The following ZIM2 variants were observed in gnomAD, a reference collection of about 807,000 sequenced individuals.
ZIM2 encodes zinc finger protein 656.
ZIM2 carries 14 observed loss-of-function variants against 38.6 expected under a neutral mutation model. The observed-to-expected ratio is 0.36, with a 90% CI of 0.24 to 0.57. The LOEUF (loss-of-function observed/expected upper bound fraction) is 0.57. ZIM2 is among the 20% of genes least tolerant of loss of function. The pLI is 0.81. For missense variants in ZIM2, 680 were observed against 695.1 expected (o/e 0.98, Z 0.24); for synonymous variants, 247 against 245.8 (o/e 1.00, Z -0.04).
intron 2 of ZIM2, among the ~76,000 whole-genome samples, chr19:56,834,927 GT>G (rs1488762429): frequency 6.6e-6 from 1 of 152,174 alleles, no homozygotes; most frequent in African/African-American, 2.4e-5. Flanking sequence ...ATCAGGCCCA[GT>G]ATCAATGCTT....
Position 56,815,359 on chromosome 19 carries a change from T to C in ZIM2, c.490+2387A>G, listed in dbSNP as rs752085444. On this transcript the variant is annotated intron_variant, in intron 9 of 12. Transcript: ENST00000629319. ...GAAGTCCTTACATTTGTTCCGCGCT[T>C]GCTCTTTAGCATACTGCTCTTGGGC... 4.5e-5 allele frequency: 73 copies of C among 1,614,134 alleles called. 1 individual carries two copies. The highest frequency in any genetic ancestry group is 8.5e-7 in the Non-Finnish European group (1 of 1,180,048).
At chr19:56,815,143 T>G (rs1317905761) in intron 9 of ZIM2, 1 of 1,613,972 alleles carries the variant, frequency 6.2e-7, no homozygotes, top group Admixed American at 1.7e-5. Context: ...ATCAGGGTCA[T>G]CCTTCTGAGG....
Position 56,814,572 on chromosome 19 carries a change from A to T in ZIM2, c.490+3174T>A, listed in dbSNP as rs34731776. On this transcript the variant is annotated intron_variant, in intron 9 of 12. Transcript: ENST00000629319. This position sits in a 1 kb window ranked among gnomAD's most constrained non-coding sequence, Gnocchi z 5.8. The stretch of plus-strand genomic sequence containing the variant: ...CTGCAAGTTCTGCTGGGTTGACGAA[A>T]GATTCTCCACAGACTGCACATTCAA... 1.2e-3 allele frequency: 1,931 copies of T among 1,613,920 alleles called. 2 individuals are homozygous for T. Among genetic ancestry groups the T allele is most frequent in the Middle Eastern group, 3.8e-3 (23 of 6,058 alleles).
chr19:56,812,166 C>CA (rs2059586020), intron 9 of ZIM2: 2 of 974,514 alleles, frequency 2.1e-6, no homozygotes, highest in Non-Finnish European at 2.4e-6. Context: ...AACTCAAGGC[C>CA]AAAAAAAATT....
At chr19:56,822,533 A>T in intron 6 of ZIM2, 1 of 502,272 alleles carries the variant, frequency 2.0e-6, no homozygotes, top group Non-Finnish European at 3.5e-6. Flanking sequence ...AAGAATACTG[A>T]GCAAATAGTT....
At position 56,774,933 on chromosome 19, in the gene ZIM2, T is replaced by C. The variant is rs1199732653; in HGVS notation, c.1432A>G (p.Ser478Gly). ...ARVLPPGLSH[S>G]KTYLIRYQRK... ...TGATAACGAATTAAGTATGTCTTGC[T>C]GTGGGACAACCCAGGAGGAAGGACT... The change falls in exon 13 of 13, where the codon AGC becomes GGC. Residue 478 changes from serine (S) to glycine (G), a missense_variant. Coordinates refer to ENST00000629319, the MANE Select transcript of ZIM2 (RefSeq NM_001387356.1). 6.2e-7 allele frequency: 1 copy of C among 1,614,090 alleles called. No individual in the cohort carries two copies. Among genetic ancestry groups the C allele is most frequent in the Non-Finnish European group, 8.5e-7 (1 of 1,180,044 alleles).
At chr19:56,836,842 C>G (rs1386692874) in intron 1 of ZIM2, among the ~76,000 whole-genome samples, 1 of 151,910 alleles carries the variant, frequency 6.6e-6, no homozygotes, top group Admixed American at 6.6e-5. Context: ...GTGGCGCGCG[C>G]CTGTATTCCC....
chr19:56,836,850 C>T (rs1473482263), intron 1 of ZIM2, among the ~76,000 whole-genome samples: 1 of 151,866 alleles, frequency 6.6e-6, no homozygotes, highest in African/African-American at 2.4e-5. Context: ...CGCCTGTATT[C>T]CCAGCTACTC....
intron 9 of ZIM2, among the ~76,000 whole-genome samples, chr19:56,796,530 G>A (rs887989728): frequency 2.0e-5 from 3 of 152,210 alleles, no homozygotes; most frequent in Admixed American, 6.5e-5. Flanking sequence ...GAACCTCTAA[G>A]CTGGAGGCTG....
At chr19:56,811,648 C>T (rs4801386) in intron 9 of ZIM2, 521,967 of 984,654 alleles carry the variant, frequency 0.53, 139,412 homozygotes, top group South Asian at 0.62. Flanking sequence ...AAGTTCACCC[C>T]GACATCAACA....
chr19:56,821,382 AG>A (rs993942533), intron 7 of ZIM2, among the ~76,000 whole-genome samples: 1 of 152,156 alleles, frequency 6.6e-6, no homozygotes, highest in Non-Finnish European at 1.5e-5. Flanking sequence ...CTGGCCCTGT[AG>A]GGAACGGCCA....
intron 9 of ZIM2, among the ~76,000 whole-genome samples, chr19:56,791,839 C>A (rs2046946236): frequency 6.6e-6 from 1 of 152,132 alleles, no homozygotes; most frequent in Non-Finnish European, 1.5e-5. Context: ...ACTTGAGTTT[C>A]TAAGATACCA....
At chr19:56,824,751 G>T (rs548648877) in intron 3 of ZIM2, 2 of 1,198,544 alleles carry the variant, frequency 1.7e-6, no homozygotes, top group East Asian at 2.4e-5. Flanking sequence ...CCTGTGGATC[G>T]TAAGGAGATA....
At chr19:56,804,199 G>A (rs1344045985) in intron 9 of ZIM2, among the ~76,000 whole-genome samples, 1 of 152,222 alleles carries the variant, frequency 6.6e-6, no homozygotes, top group Admixed American at 6.5e-5. Flanking sequence ...AGATGAGAAA[G>A]TTTTCATAGT....
rs1355272189 is a variant in ZIM2 at position 56,814,858 on chromosome 19, C to G, written c.490+2888G>C. 2 of 1,614,128 alleles carry G rather than the reference C, an allele frequency of 1.2e-6. No individual in the cohort carries two copies. Among genetic ancestry groups the G allele is most frequent in the Non-Finnish European group, 8.5e-7 (1 of 1,180,012 alleles). On this transcript the variant is annotated intron_variant, in intron 9 of 12. Coordinates refer to ENST00000629319, the MANE Select transcript of ZIM2 (RefSeq NM_001387356.1). The surrounding 1 kb of genome is among the most constrained non-coding windows in gnomAD (Gnocchi z 5.8). ...GAGGGCAATAAAACCATCATCACAC[C>G]CCTTCATGGAATACAACTGGTCTTG...
At chr19:56,828,199 C>T (rs1311566533) in intron 2 of ZIM2, among the ~76,000 whole-genome samples, 7 of 152,072 alleles carry the variant, frequency 4.6e-5, no homozygotes. Context: ...TCACCATCCA[C>T]AGCTTGAATC....
intron 9 of ZIM2, chr19:56,816,582 C>A (rs150420781): frequency 2.4e-5 from 38 of 1,613,878 alleles, no homozygotes; most frequent in Non-Finnish European, 3.2e-5. Flanking sequence ...CTTTACCATA[C>A]ATTTTCTGAA....
intron 1 of ZIM2, among the ~76,000 whole-genome samples, chr19:56,839,035 C>A (rs1217217189): frequency 6.6e-6 from 1 of 152,204 alleles, no homozygotes; most frequent in Non-Finnish European, 1.5e-5. Flanking sequence ...ACCTCAGCTG[C>A]CCCCATCAAA....
In ZIM2 at chr19:56,814,585, A is replaced by G. The variant is rs1025148020; in HGVS notation, c.490+3161T>C. The G allele has an allele frequency of 6.2e-7, 1 of 1,614,038 alleles. No homozygotes were observed. Among genetic ancestry groups the G allele is most frequent in the East Asian group, 2.2e-5 (1 of 44,876 alleles). ...TGGGTTGACGAAAGATTCTCCACAG[A>G]CTGCACATTCAAAGAGTCTCTCTTC... On this transcript the variant is annotated intron_variant, in intron 9 of 12. Transcript: ENST00000629319. The surrounding 1 kb of genome is among the most constrained non-coding windows in gnomAD (Gnocchi z 5.8).
Sources: gnomAD v4.1 joint callset for allele counts (sites outside exome capture counted in the v4.1 genomes callset) on GRCh38, gnomAD v4.1.1 for gene constraint, Gnocchi (gnomAD v3.1) non-coding constraint, MANE v1.5 for transcripts, NCBI Gene and HGNC (gene_info 2026-07-23, HGNC 2026-07-21) for gene names.